PDZRN4: variants seen among roughly 807,000 people sequenced by gnomAD.
PDZRN4 encodes PDZ domain containing ring finger 4.
A neutral mutation model predicts 99.0 loss-of-function variants in PDZRN4; 70 were observed. The observed-to-expected ratio is 0.71, with a 90% CI of 0.58 to 0.86. The LOEUF (loss-of-function observed/expected upper bound fraction) is 0.86, where lower values mean the gene tolerates loss of function less well. Ranked by LOEUF, PDZRN4 falls within the 40% of genes least tolerant of loss-of-function variation. PDZRN4 has a pLI of 0.00. For synonymous variants in PDZRN4, 551 were observed against 501.6 expected (o/e 1.10, Z -1.32); for missense variants, 1,474 against 1,331.2 (o/e 1.11, Z -1.67).
At chr12:41,328,820 T>C (rs1951725832) in intron 3 of PDZRN4, among the ~76,000 whole-genome samples, 1 of 152,140 alleles carries the variant, frequency 6.6e-6, no homozygotes, top group African/African-American at 2.4e-5. Flanking sequence ...CATTTAAGCA[T>C]AGTTGAGTGG....
At chr12:41,570,557 G>T (rs7314452) in intron 9 of PDZRN4, among the ~76,000 whole-genome samples, 13,304 of 151,918 alleles carry the variant, frequency 0.088, 651 homozygotes, top group Middle Eastern at 0.14. Context: ...AGCATAATTT[G>T]TCATTATTAT....
intron 3 of PDZRN4, among the ~76,000 whole-genome samples, chr12:41,368,896 C>T (rs940496987): frequency 3.3e-5 from 5 of 151,906 alleles, no homozygotes; most frequent in African/African-American, 1.2e-4. Context: ...ATGGGTGCCT[C>T]CTAGGACAAT....
At chr12:41,455,170 T>A (rs901624613) in intron 3 of PDZRN4, among the ~76,000 whole-genome samples, 17 of 152,234 alleles carry the variant, frequency 1.1e-4, no homozygotes, top group Non-Finnish European at 1.9e-4. Context: ...TTTAGGGGGA[T>A]GAATTTTGTT....
chr12:41,208,627 A>G (rs1382241769), intron 3 of PDZRN4, among the ~76,000 whole-genome samples: 1 of 151,902 alleles, frequency 6.6e-6, no homozygotes, highest in Non-Finnish European at 1.5e-5. Context: ...TGGTTTTTTA[A>G]TATCAAAATC....
At chr12:41,539,342 TA>T (rs1938807158) in intron 5 of PDZRN4, among the ~76,000 whole-genome samples, 3 of 152,118 alleles carry the variant, frequency 2.0e-5, no homozygotes, top group Admixed American at 1.3e-4. Flanking sequence ...TCTTTTGTTA[TA>T]TTTTTTAGTA....
At chr12:41,445,645 G>T (rs1935864279) in intron 3 of PDZRN4, among the ~76,000 whole-genome samples, 1 of 151,172 alleles carries the variant, frequency 6.6e-6, no homozygotes, top group African/African-American at 2.4e-5. Flanking sequence ...GTGGTTTTAT[G>T]AAGATTCTAT....
intron 4 of PDZRN4, among the ~76,000 whole-genome samples, chr12:41,507,439 AAG>A (rs1224460271): frequency 1.3e-5 from 2 of 152,124 alleles, no homozygotes. Context: ...GAGAGTTTGT[AAG>A]AGCAATAGTC....
intron 3 of PDZRN4, among the ~76,000 whole-genome samples, chr12:41,273,578 T>C (rs1951330319): frequency 6.6e-6 from 1 of 152,064 alleles, no homozygotes; most frequent in Non-Finnish European, 1.5e-5. Flanking sequence ...AAGGAACTTG[T>C]ATGCTTGGAA....
intron 3 of PDZRN4, among the ~76,000 whole-genome samples, chr12:41,214,782 C>T (rs1300397398): frequency 2.0e-5 from 3 of 151,832 alleles, no homozygotes; most frequent in Non-Finnish European, 2.9e-5. Context: ...ATCAAAGCTA[C>T]TCAAAATAGT....
intron 5 of PDZRN4, among the ~76,000 whole-genome samples, chr12:41,512,636 T>C (rs1214069886): frequency 5.3e-5 from 8 of 151,996 alleles, no homozygotes; most frequent in African/African-American, 1.9e-4. Flanking sequence ...GACTCTGAGA[T>C]GGGAAGTTGC....
chr12:41,449,363 C>G, intron 3 of PDZRN4, among the ~76,000 whole-genome samples: 1 of 152,154 alleles, frequency 6.6e-6, no homozygotes, highest in African/African-American at 2.4e-5. Context: ...AGGTCAAAAA[C>G]CCTGTCTTCA....
chr12:41,531,788 CTGT>C (rs1382641150), intron 5 of PDZRN4, among the ~76,000 whole-genome samples: 2 of 152,108 alleles, frequency 1.3e-5, no homozygotes, highest in African/African-American at 4.8e-5. Context: ...TCTATATGGA[CTGT>C]TTTTTGTTTA....
chr12:41,453,512 T>C (rs186309517), intron 3 of PDZRN4, among the ~76,000 whole-genome samples: 1 of 152,360 alleles, frequency 6.6e-6, no homozygotes, highest in African/African-American at 2.4e-5. Flanking sequence ...GTCTGGAGAT[T>C]GATTTTGCTG....
At chr12:41,201,637 T>C (rs906744520) in intron 3 of PDZRN4, among the ~76,000 whole-genome samples, 3 of 152,110 alleles carry the variant, frequency 2.0e-5, no homozygotes, top group African/African-American at 7.2e-5. Flanking sequence ...CATTATGGTA[T>C]GGATCCAAGA....
intron 3 of PDZRN4, among the ~76,000 whole-genome samples, chr12:41,506,092 G>A (rs578073747): frequency 2.0e-5 from 3 of 152,080 alleles, no homozygotes; most frequent in African/African-American, 7.2e-5. Context: ...ATCTCACCGA[G>A]AGATTGATAG....
chr12:41,237,785 T>C (rs926501689), intron 3 of PDZRN4, among the ~76,000 whole-genome samples: 1 of 152,130 alleles, frequency 6.6e-6, no homozygotes, highest in African/African-American at 2.4e-5. Context: ...TGTAGGTGCG[T>C]GGTCTTATTT....
intron 3 of PDZRN4, among the ~76,000 whole-genome samples, chr12:41,328,918 C>A (rs1951726334): frequency 6.6e-6 from 1 of 152,058 alleles, no homozygotes; most frequent in Admixed American, 6.6e-5. Flanking sequence ...ACAGTATTAT[C>A]AACAGTACTC....
At chr12:41,501,741 T>G (rs1298279229) in intron 3 of PDZRN4, among the ~76,000 whole-genome samples, 1 of 152,148 alleles carries the variant, frequency 6.6e-6, no homozygotes, top group African/African-American at 2.4e-5. Flanking sequence ...ATCTAAAAAT[T>G]TACATGTGTT....
In PDZRN4 at chr12:41,201,755, G is replaced by A. The variant is rs12313213; in HGVS notation, c.843+7567G>A. 4.9e-3 allele frequency among the ~76,000 whole-genome samples: 750 copies of A among 152,104 alleles called. 9 individuals carry two copies. Among genetic ancestry groups the A allele is most frequent in the African/African-American group, 0.017 (708 of 41,518 alleles). Reference sequence around the variant, plus strand: ...TTTATTACGAGATCAATCAGAAGTCGAAAGATTATTGTTTCTTAAGTTGTA... The same window carrying A: ...TTTATTACGAGATCAATCAGAAGTCAAAAGATTATTGTTTCTTAAGTTGTA... On this transcript the variant is annotated intron_variant, in intron 3 of 9. Transcript: ENST00000402685.
Sources: gnomAD v4.1 joint callset for allele counts (sites outside exome capture counted in the v4.1 genomes callset) on GRCh38, gnomAD v4.1.1 for gene constraint, MANE v1.5 for transcripts, NCBI Gene and HGNC (gene_info 2026-07-23, HGNC 2026-07-21) for gene names.